Variants in IL21R observed in about 807,000 individuals in gnomAD.
The protein encoded by IL21R is interleukin 21 receptor, also known as interleukin-21 receptor.
A neutral mutation model predicts 41.3 loss-of-function variants in IL21R; 14 were observed. That is an observed-to-expected ratio of 0.34 (90% confidence interval 0.22 to 0.53). IL21R has a LOEUF of 0.53. Ranked by LOEUF, IL21R falls within the 20% of genes least tolerant of loss-of-function variation. The probability of loss-of-function intolerance (pLI) is 0.94; values close to 1 mark genes in which losing one functional copy is unlikely to be tolerated. For synonymous variants in IL21R, 286 were observed against 287.6 expected (o/e 0.99, Z 0.05); for missense variants, 588 against 681.6 (o/e 0.86, Z 1.53).
At chr16:27,416,178 C>G (rs890920041) in intron 1 of IL21R, among the ~76,000 whole-genome samples, 2 of 152,160 alleles carry the variant, frequency 1.3e-5, no homozygotes, top group Admixed American at 1.3e-4. Context: ...AGGCTGGAGT[C>G]TCACTTTCTC....
At position 27,440,279 on chromosome 16, in the gene IL21R, A is replaced by AGAGAGAGAGAGAGAGAGAGAGC. The variant is rs1567370043; in HGVS notation, c.352+2593_352+2594insAGAGAGAGAGAGAGAGAGAGCG. On this transcript the variant is annotated intron_variant, in intron 4 of 8. Transcript: ENST00000337929. ...GAGAGAGAGAGAGAGAGAGAGAGAG[A>AGAGAGAGAGAGAGAGAGAGAGC]GCGAGCAAGCGCGCGCCAGGGTGTA... Among the ~76,000 whole-genome samples the AGAGAGAGAGAGAGAGAGAGAGC allele has an allele frequency of 1.8e-4, 24 of 131,864 alleles. 2 individuals are homozygous for AGAGAGAGAGAGAGAGAGAGAGC. Among genetic ancestry groups the AGAGAGAGAGAGAGAGAGAGAGC allele is most frequent in the African/African-American group, 6.9e-4 (22 of 32,036 alleles). 86.5% of individuals were successfully genotyped at this position (131,864 alleles called of 152,430 possible).
At chr16:27,438,075 G>A (rs1163486573) in intron 4 of IL21R, among the ~76,000 whole-genome samples, 1 of 152,146 alleles carries the variant, frequency 6.6e-6, no homozygotes, top group Non-Finnish European at 1.5e-5. Context: ...AAGTGTGAAA[G>A]GTTGATAATA....
chr16:27,403,232 A>G (rs1292436809), intron 1 of IL21R: 3 of 1,333,058 alleles, frequency 2.3e-6, no homozygotes, highest in African/African-American at 1.5e-5. Flanking sequence ...TAAGAGGCCA[A>G]CCCAGTTCCC....
chr16:27,434,629 G>A (rs1229401350), intron 3 of IL21R, among the ~76,000 whole-genome samples, 180 bp downstream of exon 3: 1 of 152,184 alleles, frequency 6.6e-6, no homozygotes, highest in Non-Finnish European at 1.5e-5. Flanking sequence ...CAGCTTCAAA[G>A]GCCACTCTCT....
In IL21R at chr16:27,433,840, T is replaced by C. The variant is rs1019893624; in HGVS notation, c.50-507T>C. On this transcript the variant is annotated intron_variant, in intron 2 of 8. Transcript: ENST00000337929. ...CCTGAATCTCCGAGAGTGGGTGTCC[T>C]GTGGATCCAACTTCTGTAGAGCCGA... 3.3e-5 allele frequency among the ~76,000 whole-genome samples: 5 copies of C among 152,192 alleles called. No individual in the cohort carries two copies. In the South Asian group the frequency reaches 1.0e-3, roughly 32 times the overall value.
intron 1 of IL21R, among the ~76,000 whole-genome samples, chr16:27,404,227 T>C (rs1386941915): frequency 2.0e-5 from 3 of 152,094 alleles, no homozygotes; most frequent in Non-Finnish European, 4.4e-5. Flanking sequence ...TCCGGATCCT[T>C]ACTCAGTCCC....
At position 27,451,633 on chromosome 16, in the gene IL21R, C is replaced by T. The variant is rs771443509; in HGVS notation, c.*2350C>T. The T allele has an allele frequency of 3.9e-4, 85 of 217,368 alleles. No individual in the cohort carries two copies. Among genetic ancestry groups the T allele is most frequent in the Non-Finnish European group, 6.3e-4 (68 of 108,184 alleles). 13.5% of individuals were successfully genotyped at this position (217,368 alleles called of 1,614,324 possible). A position where few individuals can be genotyped will look rare whatever the true frequency, so the allele number is the denominator to read the frequency against. On this transcript the variant is annotated 3_prime_UTR_variant, in exon 9 of 9. Coordinates refer to ENST00000337929, the MANE Select transcript of IL21R (RefSeq NM_181078.3). ...ACTCGGGAGGCTAAGGTGGGAGGAT[C>T]GCTGGAGCCCAGGAATTTGAGGCTG...
chr16:27,406,435 C>T (rs2086749645), intron 1 of IL21R, among the ~76,000 whole-genome samples: 1 of 152,068 alleles, frequency 6.6e-6, no homozygotes. Flanking sequence ...ACTGGGACCT[C>T]ATGCTCCACA....
intron 1 of IL21R, among the ~76,000 whole-genome samples, chr16:27,407,568 G>A (rs1378491801): frequency 2.0e-5 from 3 of 152,240 alleles, no homozygotes; most frequent in Non-Finnish European, 2.9e-5. Flanking sequence ...GCTCATGCCT[G>A]TAATCCCAGT....
chr16:27,421,143 T>C (rs1188578862), intron 1 of IL21R, among the ~76,000 whole-genome samples: 1 of 152,148 alleles, frequency 6.6e-6, no homozygotes, highest in Non-Finnish European at 1.5e-5. Flanking sequence ...CTTTCTGAAC[T>C]CTCAGTTCAA....
intron 1 of IL21R, among the ~76,000 whole-genome samples, chr16:27,408,928 A>G (rs1192934494): frequency 6.6e-6 from 1 of 152,106 alleles, no homozygotes; most frequent in Non-Finnish European, 1.5e-5. Context: ...CAGTGTGGGG[A>G]GGTTGTAAAT....
intron 1 of IL21R, among the ~76,000 whole-genome samples, chr16:27,429,644 C>T (rs893963015): frequency 1.3e-5 from 2 of 151,910 alleles, no homozygotes; most frequent in African/African-American, 4.8e-5. Context: ...CGTGGTGGCA[C>T]GTGCCTTTGG....
intron 4 of IL21R, among the ~76,000 whole-genome samples, chr16:27,440,988 C>T (rs1422072880): frequency 7.1e-6 from 1 of 140,292 alleles, no homozygotes; most frequent in Non-Finnish European, 1.5e-5. Context: ...GAGGTGGAGA[C>T]TGCAGTGAGC....
chr16:27,409,875 A>AT (rs1164734174), intron 1 of IL21R, among the ~76,000 whole-genome samples: 1 of 152,128 alleles, frequency 6.6e-6, no homozygotes, highest in Non-Finnish European at 1.5e-5. Flanking sequence ...CTTGCTGGAG[A>AT]TTTTTTTCTT....
At chr16:27,418,606 G>A (rs548621272) in intron 1 of IL21R, among the ~76,000 whole-genome samples, 9 of 152,178 alleles carry the variant, frequency 5.9e-5, no homozygotes, top group South Asian at 4.2e-4. Context: ...ACCTGACCTC[G>A]TGATCTGCCC....
Position 27,442,974 on chromosome 16 carries a change from C to T in IL21R, c.365C>T (p.Pro122Leu). ...FLLAESIKPAPPFNVTVTFSG... is the reference protein window; with the variant it reads ...FLLAESIKPALPFNVTVTFSG... ...TTTTTCCACCAAGTCAAGCCGGCTC[C>T]CCCTTTCAACGTGACTGTGACCTTC... Residue 122 changes from proline to leucine, a missense_variant, in exon 5 of 9, where the codon CCC becomes CTC. Coordinates refer to ENST00000337929, the MANE Select transcript of IL21R (RefSeq NM_181078.3). The T allele has an allele frequency of 1.3e-6, 2 of 1,586,416 alleles. No individual in the cohort carries two copies. The highest frequency in any genetic ancestry group is 1.2e-5 in the South Asian group (1 of 86,690).
intron 5 of IL21R, 148 bp downstream of exon 5, chr16:27,443,264 C>A: frequency 1.6e-6 from 1 of 609,446 alleles, no homozygotes; most frequent in Non-Finnish European, 2.7e-6. Flanking sequence ...TACAGCGGGC[C>A]CTCCTCCTCC....
chr16:27,404,793 C>A (rs2141252693), intron 1 of IL21R, among the ~76,000 whole-genome samples: 1 of 152,308 alleles, frequency 6.6e-6, no homozygotes, highest in East Asian at 1.9e-4. Context: ...AGCCACCTAA[C>A]CTTTCTGCAG....
rs1333023344 is a variant in IL21R, at chr16:27,450,179, T to G, written c.*896T>G. 4 of 232,192 alleles carry G rather than the reference T, an allele frequency of 1.7e-5. No homozygotes were observed. In the South Asian group the frequency reaches 5.5e-4, roughly 32 times the overall value. The allele number at this position is 232,192 out of a possible 1,614,324, so 14.4% of individuals were successfully genotyped here. ...GCCTGCAGAGGGCCACTCGGGGGGG[T>G]TTCCAGGCTTAAAATCAGTCCGTTT... is the stretch of plus-strand genomic sequence containing the variant. On this transcript the variant is annotated 3_prime_UTR_variant, in exon 9 of 9. Transcript: ENST00000337929.
Sources: gnomAD v4.1 joint callset for allele counts (sites outside exome capture counted in the v4.1 genomes callset) on GRCh38, gnomAD v4.1.1 for gene constraint, MANE v1.5 for transcripts, NCBI Gene and HGNC (gene_info 2026-07-23, HGNC 2026-07-21) for gene names.